RNF130: variants seen among roughly 807,000 people sequenced by gnomAD.
RNF130 encodes the protein E3 ubiquitin-protein ligase RNF130.
In RNF130, 21 loss-of-function variants were observed where a neutral mutation model predicts 44.6. The observed-to-expected ratio is 0.47, with a 90% CI of 0.33 to 0.68. The LOEUF is 0.68. Among genes scored for constraint, RNF130 ranks in the 30% least tolerant of loss-of-function variants. RNF130 has a pLI of 0.02. For synonymous variants in RNF130, 214 were observed against 210.4 expected, an observed-to-expected ratio of 1.02 and a Z score of -0.15; for missense variants, 479 against 560.6, an observed-to-expected ratio of 0.85 and a Z score of 1.47.
At chr5:180,011,309 C>T (rs530792677) in intron 3 of RNF130, among the ~76,000 whole-genome samples, 3 of 152,220 alleles carry the variant, frequency 2.0e-5, no homozygotes, top group Non-Finnish European at 4.4e-5. Flanking sequence ...CAAAAAAGGT[C>T]TATCAATCAG....
At chr5:180,067,747 T>C (rs1765140694) in intron 1 of RNF130, among the ~76,000 whole-genome samples, 1 of 152,234 alleles carries the variant, frequency 6.6e-6, no homozygotes, top group African/African-American at 2.4e-5. Flanking sequence ...CCCATGATCA[T>C]ATATCCTTTT....
chr5:180,036,488 C>A (rs934807436), intron 2 of RNF130, among the ~76,000 whole-genome samples: 3 of 152,170 alleles, frequency 2.0e-5, no homozygotes, highest in African/African-American at 7.2e-5. Context: ...CACAGCATAG[C>A]TTGGGGAGTT....
intron 3 of RNF130, among the ~76,000 whole-genome samples, chr5:180,004,187 T>C (rs535554393): frequency 8.8e-4 from 134 of 152,320 alleles, no homozygotes; most frequent in Non-Finnish European, 4.6e-4. Flanking sequence ...TCTCACATGA[T>C]TCTTTTGTAT....
chr5:179,920,381 A>G, exon 8 of RNF130: 2 of 702,512 alleles, frequency 2.8e-6, no homozygotes, highest in Non-Finnish European at 5.2e-6. Flanking sequence ...ACTTTCATAC[A>G]CCAGACTCCG....
chr5:179,951,955 A>G (rs912467822), downstream of RNF130, among the ~76,000 whole-genome samples: 3 of 152,064 alleles, frequency 2.0e-5, no homozygotes, highest in African/African-American at 7.3e-5. Flanking sequence ...TTAAATAAAA[A>G]AGACCTCAAA....
chr5:180,012,979 A>C, intron 3 of RNF130, 82 bp downstream of exon 3: 1 of 1,464,492 alleles, frequency 6.8e-7, no homozygotes, highest in Non-Finnish European at 9.1e-7. Flanking sequence ...AAGAAAAAAC[A>C]TGTTAGTAAG....
intron 7 of RNF130, among the ~76,000 whole-genome samples, chr5:179,925,490 G>T (rs1256019101): frequency 6.6e-6 from 1 of 152,044 alleles, no homozygotes; most frequent in South Asian, 2.1e-4. Flanking sequence ...AAGCATGGCT[G>T]GGTTTCTTCT....
In RNF130 at chr5:179,966,870, G is replaced by A. The variant is rs2113703782; in HGVS notation, c.1086C>T (p.Ile362=). 6.2e-7 allele frequency: 1 copy of A among 1,614,206 alleles called. No homozygotes were observed. The change falls in exon 7 of 9, where the codon ATC becomes ATT. Residue 362 remains isoleucine (I), a synonymous_variant. Coordinates refer to ENST00000521389, the MANE Select transcript of RNF130 (RefSeq NM_018434.6). ...LGLEPLRTSG[I]SPLPQDGELT... ...GCTCCCCATCCTGAGGAAGAGGTGA[G>A]ATCCCCGAAGTTCGAAGTGGCTCAA...
chr5:179,969,389 C>T (rs1475424637), intron 6 of RNF130, among the ~76,000 whole-genome samples: 1 of 151,784 alleles, frequency 6.6e-6, no homozygotes, highest in East Asian at 2.0e-4. Context: ...CAAAGTCAAA[C>T]TTCAGGCTAA....
chr5:180,054,174 C>G (rs1764751802), intron 1 of RNF130, among the ~76,000 whole-genome samples: 1 of 152,128 alleles, frequency 6.6e-6, no homozygotes, highest in South Asian at 2.1e-4. Context: ...TTCAGTAGAA[C>G]AGCTGTTTAT....
exon 8 of RNF130, chr5:179,915,214 A>AG (rs529838822): frequency 6.6e-6 from 1 of 152,174 alleles, no homozygotes; most frequent in South Asian, 2.1e-4. Context: ...CTGTAAATCC[A>AG]GCTACTCGGG....
chr5:179,967,400 CCT>C (rs1762475658), intron 6 of RNF130, among the ~76,000 whole-genome samples: 1 of 152,186 alleles, frequency 6.6e-6, no homozygotes, highest in South Asian at 2.1e-4. Flanking sequence ...ATAGAAAACA[CCT>C]CTTTCATCCT....
intron 1 of RNF130, 62 bp from the exon 2 acceptor site, chr5:180,040,709 G>A: frequency 3.4e-6 from 5 of 1,464,922 alleles, no homozygotes; most frequent in Non-Finnish European, 4.6e-6. Flanking sequence ...CTTTATCAAA[G>A]TGTCAACTGC....
At chr5:179,912,086 CCCA>C (rs1561655397) in exon 8 of RNF130, 1 of 152,200 alleles carries the variant, frequency 6.6e-6, no homozygotes, top group East Asian at 1.9e-4. Flanking sequence ...CCTCCCCACC[CCCA>C]CATTACCTGT....
intron 7 of RNF130, among the ~76,000 whole-genome samples, chr5:179,922,690 C>T (rs1761652406): frequency 6.6e-6 from 1 of 151,762 alleles, no homozygotes; most frequent in Non-Finnish European, 1.5e-5. Flanking sequence ...GTAATCCCAG[C>T]ACTTTGGGAG....
intron 3 of RNF130, among the ~76,000 whole-genome samples, chr5:180,009,721 G>A (rs920566777): frequency 1.3e-5 from 2 of 152,080 alleles, no homozygotes. Context: ...CTTCACTCTT[G>A]GAATTTACAC....
intron 2 of RNF130, among the ~76,000 whole-genome samples, chr5:180,035,596 G>T (rs775663858): frequency 2.6e-5 from 4 of 152,152 alleles, no homozygotes; most frequent in Non-Finnish European, 4.4e-5. Context: ...TAAGAGTAGG[G>T]TGTTAAAATC....
chr5:180,057,613 G>T (rs1266524385), intron 1 of RNF130, among the ~76,000 whole-genome samples: 1 of 152,208 alleles, frequency 6.6e-6, no homozygotes. Context: ...ACAGGGTTCA[G>T]GTAGCTTTGG....
intron 5 of RNF130, among the ~76,000 whole-genome samples, chr5:179,974,154 T>C (rs1340406874): frequency 1.3e-5 from 2 of 152,166 alleles, no homozygotes; most frequent in Non-Finnish European, 2.9e-5. Context: ...ACAAGAACTC[T>C]CTTCTGCTAG....
Sources: gnomAD v4.1 joint callset for allele counts (sites outside exome capture counted in the v4.1 genomes callset) on GRCh38, gnomAD v4.1.1 for gene constraint, MANE v1.5 for transcripts, NCBI Gene and HGNC (gene_info 2026-07-23, HGNC 2026-07-21) for gene names.